WDR18: variants seen among roughly 807,000 people sequenced by gnomAD.
WDR18 encodes the protein WD repeat domain 18, also known as WD repeat-containing protein 18.
WDR18 carries 33 observed loss-of-function variants against 49.6 expected under a neutral mutation model. The ratio of observed to expected loss-of-function variants is 0.67; its 90% CI spans 0.50 to 0.89. The LOEUF is 0.89. Among genes scored for constraint, WDR18 ranks in the 40% least tolerant of loss-of-function variants. The pLI, the probability that WDR18 is intolerant of heterozygous loss-of-function variation, is 0.00. For missense variants in WDR18, 653 were observed against 593.6 expected (o/e 1.10, Z -1.04); for synonymous variants, 315 against 263.6 (o/e 1.19, Z -1.89).
rs777163533 is a variant in WDR18 at position 991,373 on chromosome 19, C to T, written c.931+22C>T. ...AAAGGTGGGCGCGCCTCTGCTCGGCCCGCGGCCAGCGCGCAGGGGAAAAAG... is the reference window on the plus strand; with the variant it reads ...AAAGGTGGGCGCGCCTCTGCTCGGCTCGCGGCCAGCGCGCAGGGGAAAAAG... On this transcript the variant is annotated intron_variant, in intron 7 of 9. Transcript: ENST00000585809. The T allele has an allele frequency of 3.9e-6, 6 of 1,534,524 alleles. No individual in the cohort carries two copies. The East Asian group carries it at 1.0e-4, about 25-fold the overall frequency.
chr19:994,220 T>C lies in WDR18; in HGVS notation c.1175T>C (p.Leu392Pro), dbSNP rs1711814790. 1.1e-5 allele frequency: 17 copies of C among 1,602,530 alleles called. No individual in the cohort carries two copies. The highest frequency in any genetic ancestry group is 2.2e-5 in the South Asian group (2 of 89,784). ...CCCCGACTTCTCCCGCAGAGCGTGC[T>C]CGGCGGCCAGGACCAGCTGCGCGTC... ...VLCSTMEKSV[L>P]GGQDQLRVRV... Residue 392 changes from leucine (L) to proline (P), a missense_variant, in exon 10 of 10, where the codon CTC becomes CCC. Physicochemically the swap from Leu to Pro is moderately conservative, Grantham distance 98. Coordinates refer to ENST00000585809, the MANE Select transcript of WDR18 (RefSeq NM_024100.4).
At chr19:992,989 G>A (rs183952619) in intron 8 of WDR18, among the ~76,000 whole-genome samples, 4 of 152,344 alleles carry the variant, frequency 2.6e-5, no homozygotes, top group African/African-American at 4.8e-5. Context: ...AGGAGATGCC[G>A]TTATCTCCCT....
Position 989,992 on chromosome 19 carries a change from C to T in WDR18, c.455+97C>T. 4.0e-6 allele frequency: 6 copies of T among 1,504,506 alleles called. No homozygotes were observed. The South Asian group carries it at 7.9e-5, about 20-fold the overall frequency. The allele number at this position is 1,504,506 out of a possible 1,614,324, so 93.2% of individuals were successfully genotyped here. Reference sequence around the variant, plus strand: ...GCCCCTGGCGGGAAGGGGCTTCTCTCTTGGGGGCTGGAGTGCAGAGGACGG... The same window carrying T: ...GCCCCTGGCGGGAAGGGGCTTCTCTTTTGGGGGCTGGAGTGCAGAGGACGG... On this transcript the variant is annotated intron_variant, in intron 3 of 9. Transcript: ENST00000585809.
chr19:992,092 C>T lies in WDR18; in HGVS notation c.1069C>T (p.Leu357Phe), dbSNP rs2038566376. 1.3e-6 allele frequency: 2 copies of T among 1,534,676 alleles called. No individual in the cohort carries two copies. The highest frequency in any genetic ancestry group is 1.4e-5 in the African/African-American group (1 of 70,758). The change falls in exon 8 of 10, where the codon CTC becomes TTC. Residue 357 changes from leucine (L) to phenylalanine (F), a missense_variant. Coordinates refer to ENST00000585809, the MANE Select transcript of WDR18 (RefSeq NM_024100.4). ...EHGDEPRHGGLTLRLGLHQQG... is the reference protein window; with the variant it reads ...EHGDEPRHGGFTLRLGLHQQG... ...CGGGGACGAGCCGCGCCACGGGGGC[C>T]TCACTCTGCGCCTGGGCCTCCACCA...
upstream of WDR18, chr19:984,289 C>A: frequency 6.9e-7 from 1 of 1,439,504 alleles, no homozygotes; most frequent in Non-Finnish European, 9.1e-7. Context: ...CGCTCTGGCC[C>A]GCGTGGGGCA....
intron 8 of WDR18, among the ~76,000 whole-genome samples, chr19:993,730 GGCCCCT>G (rs2038591425): frequency 1.6e-5 from 1 of 61,020 alleles, no homozygotes; most frequent in Non-Finnish European, 5.8e-5. Flanking sequence ...GTCTGGCCCA[GGCCCCT>G]GTCTGTGGTG....
At position 991,261 on chromosome 19, in the gene WDR18, G is replaced by A. The variant is rs1484761171; in HGVS notation, c.841G>A (p.Gly281Ser). ...GACTTGCCTGTCAGTGTCCACTGAC[G>A]GCAGCGTGCTGCTCTCAGGCTCCCA... Reference protein sequence around the residue: ...QVTCLSVSTDGSVLLSGSHDE... With the variant: ...QVTCLSVSTDSSVLLSGSHDE... Residue 281 changes from glycine to serine, a missense_variant, in exon 7 of 10, where the codon GGC becomes AGC. By Grantham distance (56) the Gly-to-Ser change is moderately conservative (BLOSUM62 0). Coordinates refer to ENST00000585809, the MANE Select transcript of WDR18 (RefSeq NM_024100.4). 1.3e-6 allele frequency: 2 copies of A among 1,573,510 alleles called. No individual in the cohort carries two copies. The highest frequency in any genetic ancestry group is 1.7e-6 in the Non-Finnish European group (2 of 1,158,256).
chr19:989,443 C>T (rs903435051), intron 2 of WDR18, among the ~76,000 whole-genome samples: 5 of 152,182 alleles, frequency 3.3e-5, no homozygotes, highest in Non-Finnish European at 7.4e-5. Context: ...ACACAGGACG[C>T]CTGGGGTCAG....
At chr19:992,168 A>G (rs1248134475) in intron 8 of WDR18, 47 bp downstream of exon 8, 1 of 1,397,620 alleles carries the variant, frequency 7.2e-7, no homozygotes, top group Non-Finnish European at 9.2e-7. Flanking sequence ...GTCCCGGAAG[A>G]CCCCGCGGGC....
chr19:983,140 T>C (rs1457071813), upstream of WDR18, among the ~76,000 whole-genome samples: 4 of 152,214 alleles, frequency 2.6e-5, no homozygotes, highest in Non-Finnish European at 5.9e-5. Flanking sequence ...TAATTGCACA[T>C]TTTAAATCAT....
Position 994,048 on chromosome 19 carries a change from C to G in WDR18, c.1127C>G (p.Thr376Arg), listed in dbSNP as rs200473226. The change falls in exon 9 of 10, where the codon ACG becomes AGG. Residue 376 changes from threonine to arginine, a missense_variant. Transcript: ENST00000585809. The part of the protein sequence containing the change: ...QGSEPSYLDR[T>R]EQLQAVLCST... ...TCGGAGCCCAGCTACCTGGACCGCA[C>G]GGAGCAGCTGCAGGCCGTCCTGTGC... The G allele has an allele frequency of 1.3e-5, 20 of 1,560,442 alleles. No individual in the cohort carries two copies. Among genetic ancestry groups the G allele is most frequent in the Admixed American group, 1.1e-4 (6 of 52,416 alleles).
intron 3 of WDR18, 53 bp downstream of exon 3, chr19:989,948 G>A (rs769534342): frequency 6.2e-5 from 96 of 1,541,590 alleles, no homozygotes; most frequent in Middle Eastern, 1.8e-4. Context: ...GGGCTCAGGC[G>A]GGGAGAGGAG....
At chr19:987,240 G>A (rs1344344881) in intron 2 of WDR18, among the ~76,000 whole-genome samples, 1 of 152,164 alleles carries the variant, frequency 6.6e-6, no homozygotes, top group Admixed American at 6.6e-5. Context: ...CTTTTTGGGA[G>A]GCTGAGGCAT....
At chr19:992,431 C>T (rs1451884431) in intron 8 of WDR18, among the ~76,000 whole-genome samples, 1 of 152,248 alleles carries the variant, frequency 6.6e-6, no homozygotes, top group Non-Finnish European at 1.5e-5. Context: ...CTGCAAAAGG[C>T]CGATGCCCCA....
rs1273698029 is a variant in WDR18 at position 989,842 on chromosome 19, C to G, written c.402C>G (p.Ser134Arg). The change falls in exon 3 of 10, where the codon AGC becomes AGG. Residue 134 changes from serine to arginine, a missense_variant. Coordinates refer to ENST00000585809, the MANE Select transcript of WDR18 (RefSeq NM_024100.4). ...GCCTTCAGTTCACAGGGGACAGCAG[C>G]CACTTCATCTCAGGGGGCAAGGACT... is the stretch of plus-strand genomic sequence containing the variant. ...VSCLQFTGDS[S>R]HFISGGKDCL... 1.2e-6 allele frequency: 2 copies of G among 1,612,606 alleles called. No homozygotes were observed. The highest frequency in any genetic ancestry group is 1.7e-6 in the Non-Finnish European group (2 of 1,179,782).
At position 991,360 on chromosome 19, in the gene WDR18, G is replaced by T. The variant is rs1203847847; in HGVS notation, c.931+9G>T. 6.5e-7 allele frequency: 1 copy of T among 1,542,402 alleles called. No individual in the cohort carries two copies. Among genetic ancestry groups the T allele is most frequent in the South Asian group, 1.2e-5 (1 of 84,012 alleles). ...GACGGTGGCCCTCAAAGGTGGGCGC[G>T]CCTCTGCTCGGCCCGCGGCCAGCGC... On this transcript the variant is annotated intron_variant, in intron 7 of 9. Transcript: ENST00000585809.
rs201670654 is a variant in WDR18 at position 994,063 on chromosome 19, C to A, written c.1142C>A (p.Ala381Asp). ...SYLDRTEQLQ[A>D]VLCSTMEKSV... ...CTGGACCGCACGGAGCAGCTGCAGG[C>A]CGTCCTGTGCAGCACCATGGAGAAG... The change falls in exon 9 of 10, where the codon GCC (alanine) becomes GAC (aspartate). Residue 381 changes from alanine to aspartate, a missense_variant. Physicochemically the swap from Ala to Asp is moderately radical, Grantham distance 126. Transcript: ENST00000585809. The A allele has an allele frequency of 1.2e-5, 18 of 1,560,450 alleles. No individual in the cohort carries two copies. In the East Asian group the frequency reaches 1.9e-4, roughly 17 times the overall value.
chr19:992,096 C>A lies in WDR18; in HGVS notation c.1073C>A (p.Thr358Asn). The change falls in exon 8 of 10, where the codon ACT (threonine) becomes AAT (asparagine). Residue 358 changes from threonine (T) to asparagine (N), a missense_variant. By Grantham distance (65) the Thr-to-Asn change is moderately conservative. Transcript: ENST00000585809. ...HGDEPRHGGL[T>N]LRLGLHQQGS... ...GACGAGCCGCGCCACGGGGGCCTCA[C>A]TCTGCGCCTGGGCCTCCACCAGCAG... The A allele has an allele frequency of 6.6e-7, 1 of 1,523,016 alleles. No homozygotes were observed. Among genetic ancestry groups the A allele is most frequent in the Non-Finnish European group, 8.8e-7 (1 of 1,140,210 alleles). The allele number at this position is 1,523,016 out of a possible 1,614,324, so 94.3% of individuals were successfully genotyped here. A position where few individuals can be genotyped will look rare whatever the true frequency, so the allele number is the denominator to read the frequency against.
intron 8 of WDR18, among the ~76,000 whole-genome samples, chr19:992,728 T>G (rs1293450644): frequency 1.3e-5 from 2 of 152,116 alleles, no homozygotes; most frequent in Non-Finnish European, 2.9e-5. Flanking sequence ...CCAGTGTGGT[T>G]GGCTGGGCTG....
Sources: gnomAD v4.1 joint callset for allele counts (sites outside exome capture counted in the v4.1 genomes callset) on GRCh38, gnomAD v4.1.1 for gene constraint, MANE v1.5 for transcripts, NCBI Gene and HGNC (gene_info 2026-07-23, HGNC 2026-07-21) for gene names.